HHIPL1: variants seen among roughly 807,000 people sequenced by gnomAD.
The protein encoded by HHIPL1 is HHIP-like protein 1.
HHIPL1 carries 43 observed loss-of-function variants against 61.8 expected under a neutral mutation model. The ratio of observed to expected loss-of-function variants is 0.70; its 90% CI spans 0.55 to 0.90. HHIPL1 has a LOEUF of 0.90. Ranked by LOEUF, HHIPL1 falls within the 40% of genes least tolerant of loss-of-function variation. HHIPL1 has a pLI of 0.00. For missense variants in HHIPL1, 1,056 were observed against 1,157.7 expected, an observed-to-expected ratio of 0.91 and a Z score of 1.28; for synonymous variants, 482 against 515.8, an observed-to-expected ratio of 0.93 and a Z score of 0.89.
chr14:99,659,847 C>T, intron 4 of HHIPL1, 91 bp downstream of exon 4: 1 of 311,212 alleles, frequency 3.2e-6, no homozygotes, highest in Non-Finnish European at 4.6e-6. Flanking sequence ...GGAGACCGCA[C>T]CCCCCCCCCC....
chr14:99,676,343 T>C lies in HHIPL1; in HGVS notation c.*717T>C, dbSNP rs1229726212. The C allele has an allele frequency of 6.6e-6, 1 of 152,400 alleles. No homozygotes were observed. The highest frequency in any genetic ancestry group is 2.4e-5 in the African/African-American group (1 of 41,448). 9.4% of individuals were successfully genotyped at this position (152,400 alleles called of 1,614,324 possible). A position where few individuals can be genotyped will look rare whatever the true frequency, so the allele number is the denominator to read the frequency against. ...CTGGAGAAGCCACTCAGCAGCATAC[T>C]CAGTCCTTGTGGGTGCTCCTGGGAT... On this transcript the variant is annotated 3_prime_UTR_variant, in exon 9 of 9. Transcript: ENST00000330710.
At chr14:99,673,090 C>T (rs1023627832) in intron 8 of HHIPL1, among the ~76,000 whole-genome samples, 9 of 152,108 alleles carry the variant, frequency 5.9e-5, no homozygotes, top group African/African-American at 9.7e-5. Flanking sequence ...AAAACCACTC[C>T]GCGAGCCAAG....
In HHIPL1 at chr14:99,677,673, G is replaced by T. The variant is rs1180654434; in HGVS notation, c.*2047G>T. On this transcript the variant is annotated 3_prime_UTR_variant, in exon 9 of 9. Coordinates refer to ENST00000330710, the MANE Select transcript of HHIPL1 (RefSeq NM_001127258.3). The surrounding 1 kb of genome is among the most constrained non-coding windows in gnomAD (Gnocchi z 4.3). ...AGCCAGGGAAGGTGCAGCAAGCCTT[G>T]AGGCCCTCAAGAATGCAGCCGAGCC... 6.6e-6 allele frequency: 1 copy of T among 152,370 alleles called. No homozygotes were observed. Among genetic ancestry groups the T allele is most frequent in the Admixed American group, 6.5e-5 (1 of 15,290 alleles). 9.4% of individuals were successfully genotyped at this position (152,370 alleles called of 1,614,324 possible). A position where few individuals can be genotyped will look rare whatever the true frequency, so the allele number is the denominator to read the frequency against.
the HHIPL1 span, among the ~76,000 whole-genome samples, chr14:99,638,314 C>A: frequency 3.3e-5 from 5 of 152,226 alleles, no homozygotes; most frequent in Non-Finnish European, 7.3e-5. Context: ...AACACCTTGG[C>A]GGTTCTTCTC....
At chr14:99,629,025 C>T in the HHIPL1 span, among the ~76,000 whole-genome samples, 1 of 152,202 alleles carries the variant, frequency 6.6e-6, no homozygotes, top group Non-Finnish European at 1.5e-5. Flanking sequence ...CAAGGGGCCC[C>T]CTAGCGGCCC....
intron 8 of HHIPL1, among the ~76,000 whole-genome samples, chr14:99,673,291 G>C (rs1437088070): frequency 6.6e-6 from 1 of 151,740 alleles, no homozygotes; most frequent in Admixed American, 6.6e-5. Flanking sequence ...TTCAGGGCTT[G>C]GTGAGTTTTT....
the HHIPL1 span, among the ~76,000 whole-genome samples, chr14:99,637,365 A>C: frequency 6.6e-6 from 1 of 152,084 alleles, no homozygotes; most frequent in Non-Finnish European, 1.5e-5. Context: ...AGTTTGAAAC[A>C]AGCCTGGCCA....
At chr14:99,648,947 G>A (rs537164953) in intron 1 of HHIPL1, among the ~76,000 whole-genome samples, 98 of 152,304 alleles carry the variant, frequency 6.4e-4, no homozygotes, top group African/African-American at 2.3e-3. Flanking sequence ...GGGGCCCTCC[G>A]CCCTGCACTG....
rs578166081 is a variant in HHIPL1 at position 99,668,609 on chromosome 14, G to A, written c.1730+306G>A. Among the ~76,000 whole-genome samples the A allele has an allele frequency of 2.0e-3, 307 of 152,188 alleles. 1 individual carries two copies. Among genetic ancestry groups the A allele is most frequent in the Non-Finnish European group, 3.7e-3 (249 of 67,982 alleles). On this transcript the variant is annotated intron_variant, in intron 7 of 8. Coordinates refer to ENST00000330710, the MANE Select transcript of HHIPL1 (RefSeq NM_001127258.3). The surrounding 1 kb of genome is among the most constrained non-coding windows in gnomAD (Gnocchi z 4.7). Reference sequence around the variant, plus strand: ...TTCTTGCCTGGCCCGCCCTCCCTGCGTCTTCCTCCTGTCTAGCAGGCCCCT... The same window carrying A: ...TTCTTGCCTGGCCCGCCCTCCCTGCATCTTCCTCCTGTCTAGCAGGCCCCT...
chr14:99,632,006 G>A, the HHIPL1 span, among the ~76,000 whole-genome samples: 2 of 152,208 alleles, frequency 1.3e-5, no homozygotes, highest in Non-Finnish European at 1.5e-5. Flanking sequence ...GCCTGGGAGC[G>A]AGGCTGGGAG....
chr14:99,650,413 G>A (rs1200810248), intron 1 of HHIPL1, among the ~76,000 whole-genome samples: 1 of 152,238 alleles, frequency 6.6e-6, no homozygotes, highest in African/African-American at 2.4e-5. Context: ...GGGGGAGGGT[G>A]TCAGTCACAG....
chr14:99,665,469 C>T (rs2056228609), intron 6 of HHIPL1, among the ~76,000 whole-genome samples: 1 of 152,218 alleles, frequency 6.6e-6, no homozygotes, highest in African/African-American at 2.4e-5. Flanking sequence ...GAGGTAGAGT[C>T]TTGCTCTGCT....
At chr14:99,652,910 C>T (rs888638858) in intron 2 of HHIPL1, 40 bp downstream of exon 2, 31 of 1,571,512 alleles carry the variant, frequency 2.0e-5, no homozygotes, top group Non-Finnish European at 2.7e-5. Context: ...TGGGGGCAGG[C>T]ACCCATATGC....
intron 6 of HHIPL1, among the ~76,000 whole-genome samples, chr14:99,663,675 G>A (rs1369125045): frequency 6.6e-6 from 1 of 152,162 alleles, no homozygotes; most frequent in African/African-American, 2.4e-5. Flanking sequence ...AGTTGCTCTG[G>A]TTCACAGGCA....
At chr14:99,672,665 G>A (rs1248321665) in intron 8 of HHIPL1, among the ~76,000 whole-genome samples, 1 of 152,252 alleles carries the variant, frequency 6.6e-6, no homozygotes, top group Non-Finnish European at 1.5e-5. Context: ...GTGAGTTCTT[G>A]GGAGGGACAG....
At chr14:99,648,835 G>C (rs2055881709) in intron 1 of HHIPL1, among the ~76,000 whole-genome samples, 1 of 152,304 alleles carries the variant, frequency 6.6e-6, no homozygotes, top group South Asian at 2.1e-4. Flanking sequence ...GCAAAGGCTT[G>C]CTCTTTCAAA....
In HHIPL1 at chr14:99,662,686, C is replaced by T. The variant is rs182716867; in HGVS notation, c.1503-190C>T. Among the ~76,000 whole-genome samples the T allele has an allele frequency of 5.3e-5, 8 of 152,286 alleles. No individual in the cohort carries two copies. The East Asian group carries it at 1.5e-3, about 29-fold the overall frequency. ...CCCTGCATGCTCATTCTGCATCGGG[C>T]TCTGCGAATTGTGTATGGTCCTTGC... On this transcript the variant is annotated intron_variant, in intron 5 of 8. Transcript: ENST00000330710.
chr14:99,660,142 T>C lies in HHIPL1; in HGVS notation c.1376-138T>C. 1.4e-6 allele frequency: 1 copy of C among 700,668 alleles called. No homozygotes were observed. The allele number at this position is 700,668 out of a possible 1,614,324, so 43.4% of individuals were successfully genotyped here. A position where few individuals can be genotyped will look rare whatever the true frequency, so the allele number is the denominator to read the frequency against. On this transcript the variant is annotated intron_variant, in intron 4 of 8. Transcript: ENST00000330710. This position sits in a 1 kb window ranked among gnomAD's most constrained non-coding sequence, Gnocchi z 4.9. ...GCTTTCCACCACGCCAGCCCTGCTG[T>C]GGGCACGCCAGCCCTGCTGTGGGCA...
chr14:99,617,373 G>A, the HHIPL1 span, among the ~76,000 whole-genome samples: 1 of 152,170 alleles, frequency 6.6e-6, no homozygotes, highest in Non-Finnish European at 1.5e-5. Flanking sequence ...GTTTCAGAGA[G>A]CTGAAGCCTC....
Sources: gnomAD v4.1 joint callset for allele counts (sites outside exome capture counted in the v4.1 genomes callset) on GRCh38, gnomAD v4.1.1 for gene constraint, Gnocchi (gnomAD v3.1) non-coding constraint, MANE v1.5 for transcripts, NCBI Gene and HGNC (gene_info 2026-07-23, HGNC 2026-07-21) for gene names.